The following IQCH variants were observed in gnomAD, a reference collection of about 807,000 sequenced individuals.
IQCH encodes the protein IQ domain-containing protein H.
In IQCH, 98 loss-of-function variants were observed where a neutral mutation model predicts 117.0. The ratio of observed to expected loss-of-function variants is 0.84; its 90% CI spans 0.71 to 0.99. The LOEUF (loss-of-function observed/expected upper bound fraction) is 0.99. Among genes scored for constraint, IQCH ranks in the 50% least tolerant of loss-of-function variants. The pLI is 0.00. For missense variants in IQCH, 1,102 were observed against 1,243.8 expected, an observed-to-expected ratio of 0.89 and a Z score of 1.72; for synonymous variants, 412 against 448.2, an observed-to-expected ratio of 0.92 and a Z score of 1.02.
chr15:67,361,441 A>G (rs1970128658), intron 8 of IQCH, among the ~76,000 whole-genome samples: 1 of 152,260 alleles, frequency 6.6e-6, no homozygotes, highest in East Asian at 1.9e-4. Flanking sequence ...AAACTGGACT[A>G]TGTAACTACC....
In IQCH at chr15:67,490,882, T is replaced by C. The variant is rs531250977; in HGVS notation, c.2861+818T>C. Among the ~76,000 whole-genome samples the C allele has an allele frequency of 9.8e-5, 15 of 152,346 alleles. No individual in the cohort carries two copies. The highest frequency in any genetic ancestry group is 3.6e-4 in the African/African-American group (15 of 41,592). On this transcript the variant is annotated intron_variant, in intron 19 of 20. Coordinates refer to ENST00000335894, the MANE Select transcript of IQCH (RefSeq NM_001031715.3). The surrounding 1 kb of genome is among the most constrained non-coding windows in gnomAD (Gnocchi z 4.9). The stretch of plus-strand genomic sequence containing the variant: ...CTTCCGCACTTCTCCCAGATTTCCC[T>C]CTGGGATATTTTGGAGCCTAGCAAA...
chr15:67,288,419 G>A (rs184147544), intron 4 of IQCH, among the ~76,000 whole-genome samples: 66 of 152,072 alleles, frequency 4.3e-4, no homozygotes, highest in African/African-American at 1.4e-3. Context: ...TATATATTTC[G>A]ATGATCCAGT....
In IQCH at chr15:67,378,909, G is replaced by A. The variant is rs539050075; in HGVS notation, c.1372+5476G>A. ...ACACTCATCATGATTATTGAAGACCGTAAAGAACATTGGTTTAAGTGGATT... is the reference window on the plus strand; with the variant it reads ...ACACTCATCATGATTATTGAAGACCATAAAGAACATTGGTTTAAGTGGATT... On this transcript the variant is annotated intron_variant, in intron 10 of 20. Coordinates refer to ENST00000335894, the MANE Select transcript of IQCH (RefSeq NM_001031715.3). Among the ~76,000 whole-genome samples, 28 of 152,212 alleles carry A rather than the reference G, an allele frequency of 1.8e-4. No individual in the cohort carries two copies. The South Asian group carries it at 2.7e-3, about 15-fold the overall frequency.
Position 67,447,005 on chromosome 15 carries a change from C to T in IQCH, c.2506-18122C>T, listed in dbSNP as rs1258677205. Among the ~76,000 whole-genome samples, 1 of 152,188 alleles carries T rather than the reference C, an allele frequency of 6.6e-6. No homozygotes were observed. The highest frequency in any genetic ancestry group is 1.5e-5 in the Non-Finnish European group (1 of 68,042). ...TTCTGCCAAGCATTTGTTTCCCTCG[C>T]CAGGCTGAGAGCAATCAACAGGGTC... On this transcript the variant is annotated intron_variant, in intron 16 of 20. Transcript: ENST00000335894. This position sits in a 1 kb window ranked among gnomAD's most constrained non-coding sequence, Gnocchi z 5.3.
At chr15:67,429,622 C>T (rs1325775523) in intron 16 of IQCH, among the ~76,000 whole-genome samples, 1 of 152,182 alleles carries the variant, frequency 6.6e-6, no homozygotes. Flanking sequence ...AAAGCACTTT[C>T]ACATACATGA....
At chr15:67,288,606 A>G (rs1474927246) in intron 4 of IQCH, among the ~76,000 whole-genome samples, 1 of 151,712 alleles carries the variant, frequency 6.6e-6, no homozygotes, top group African/African-American at 2.4e-5. Flanking sequence ...ATCTTTTTCC[A>G]TTCTTTTATT....
chr15:67,498,462 T>C (rs1044572347), intron 20 of IQCH, among the ~76,000 whole-genome samples: 1 of 151,596 alleles, frequency 6.6e-6, no homozygotes, highest in Non-Finnish European at 1.5e-5. Context: ...ACTAAAAATA[T>C]AAAAATTACC....
chr15:67,360,006 C>T, intron 8 of IQCH, 121 bp downstream of exon 8: 3 of 685,160 alleles, frequency 4.4e-6, no homozygotes, highest in Admixed American at 2.6e-5. Flanking sequence ...AAAGTTCGTG[C>T]TTCCTTTGTA....
At position 67,501,493 on chromosome 15, in the gene IQCH, TCAA is replaced by T. The variant is rs2083978478; in HGVS notation, c.*750_*752del. 6.6e-6 allele frequency: 1 copy of T among 152,226 alleles called. No homozygotes were observed. The highest frequency in any genetic ancestry group is 1.5e-5 in the Non-Finnish European group (1 of 68,038). 9.4% of individuals were successfully genotyped at this position (152,226 alleles called of 1,614,324 possible). A position where few individuals can be genotyped will look rare whatever the true frequency, so the allele number is the denominator to read the frequency against. ...GCAGTAGGATTTTTTCAAGTTTAGT[TCAA>T]CATTATACTACCTTTAAAAAGGCAG... On this transcript the variant is annotated 3_prime_UTR_variant, in exon 21 of 21. Transcript: ENST00000335894. The surrounding 1 kb of genome is among the most constrained non-coding windows in gnomAD (Gnocchi z 5.2).
chr15:67,425,590 C>G lies in IQCH; in HGVS notation c.2505+4013C>G, dbSNP rs1310331386. ...TCGCGCCACTGCACTCCAGCCTGGGCGACAGAGCAAGACTCTGTCTCAAAA... is the reference window on the plus strand; with the variant it reads ...TCGCGCCACTGCACTCCAGCCTGGGGGACAGAGCAAGACTCTGTCTCAAAA... On this transcript the variant is annotated intron_variant, in intron 16 of 20. Coordinates refer to ENST00000335894, the MANE Select transcript of IQCH (RefSeq NM_001031715.3). The surrounding 1 kb of genome is among the most constrained non-coding windows in gnomAD (Gnocchi z 5.5). Among the ~76,000 whole-genome samples, 1 of 152,076 alleles carries G rather than the reference C, an allele frequency of 6.6e-6. No homozygotes were observed. The highest frequency in any genetic ancestry group is 1.5e-5 in the Non-Finnish European group (1 of 68,010).
At chr15:67,317,127 G>A (rs1967885391) in intron 4 of IQCH, among the ~76,000 whole-genome samples, 1 of 152,122 alleles carries the variant, frequency 6.6e-6, no homozygotes, top group Admixed American at 6.6e-5. Flanking sequence ...ATATAAATTT[G>A]CATTTATTTG....
At chr15:67,371,496 A>G (rs376078351) in intron 8 of IQCH, 195 of 1,593,674 alleles carry the variant, frequency 1.2e-4, no homozygotes, top group Middle Eastern at 5.0e-4. Context: ...CTTAAGAATA[A>G]AAGAACACGT....
chr15:67,371,766 C>T (rs765883866), intron 8 of IQCH, among the ~76,000 whole-genome samples: 9 of 152,150 alleles, frequency 5.9e-5, no homozygotes, highest in Non-Finnish European at 1.0e-4. Flanking sequence ...TCAGACCATG[C>T]GTGCATGTGT....
intron 18 of IQCH, 41 bp from the exon 19 acceptor site, chr15:67,489,962 G>C (rs762428948): frequency 7.4e-7 from 1 of 1,343,308 alleles, no homozygotes; most frequent in South Asian, 1.2e-5. Flanking sequence ...TTGTTTCTGA[G>C]ATAATATACT....
chr15:67,288,513 CTCT>C (rs1354994608), intron 4 of IQCH, among the ~76,000 whole-genome samples: 1 of 152,032 alleles, frequency 6.6e-6, no homozygotes, highest in Non-Finnish European at 1.5e-5. Flanking sequence ...TGACATTTGT[CTCT>C]TCTTATAGTT....
In IQCH at chr15:67,400,195, G is replaced by C; in HGVS notation, c.1987G>C (p.Gly663Arg). 3 of 1,613,812 alleles carry C rather than the reference G, an allele frequency of 1.9e-6. No homozygotes were observed. Among genetic ancestry groups the C allele is most frequent in the Non-Finnish European group, 2.5e-6 (3 of 1,179,806 alleles). ...CTTTAAAATGGACTCTGAGTTCCGA[G>C]GAAATGGGACTGCATTTTGTGATAT... Reference protein sequence around the residue: ...WLFKMDSEFRGNGTAFCDIPS... With the variant: ...WLFKMDSEFRRNGTAFCDIPS... Residue 663 changes from glycine to arginine, a missense_variant, in exon 14 of 21, where the codon GGA (glycine) becomes CGA (arginine). Coordinates refer to ENST00000335894, the MANE Select transcript of IQCH (RefSeq NM_001031715.3).
intron 4 of IQCH, among the ~76,000 whole-genome samples, chr15:67,303,479 A>G (rs1265138071): frequency 6.6e-6 from 1 of 152,186 alleles, no homozygotes; most frequent in African/African-American, 2.4e-5. Flanking sequence ...AATTATTAGT[A>G]ATACCATATT....
In IQCH at chr15:67,370,058, C is replaced by T. The variant is rs1168469294; in HGVS notation, c.754-2053C>T. The stretch of plus-strand genomic sequence containing the variant: ...CACTGATAAATTTTGCTCCCACTGC[C>T]ACCCAAGGCTGTTCTTTCAGAAGGT... On this transcript the variant is annotated intron_variant, in intron 8 of 20. Transcript: ENST00000335894. The surrounding 1 kb of genome is among the most constrained non-coding windows in gnomAD (Gnocchi z 5.6). Among the ~76,000 whole-genome samples, 1 of 152,174 alleles carries T rather than the reference C, an allele frequency of 6.6e-6. No individual in the cohort carries two copies. Among genetic ancestry groups the T allele is most frequent in the Non-Finnish European group, 1.5e-5 (1 of 68,038 alleles).
chr15:67,354,557 A>G (rs969148517), intron 6 of IQCH, among the ~76,000 whole-genome samples: 10 of 152,318 alleles, frequency 6.6e-5, no homozygotes, highest in African/African-American at 2.2e-4. Context: ...AGACAAGTCA[A>G]GGATGATCAT....
Sources: gnomAD v4.1 joint callset for allele counts (sites outside exome capture counted in the v4.1 genomes callset) on GRCh38, gnomAD v4.1.1 for gene constraint, Gnocchi (gnomAD v3.1) non-coding constraint, MANE v1.5 for transcripts, NCBI Gene and HGNC (gene_info 2026-07-23, HGNC 2026-07-21) for gene names.